F2RL1: variants seen among roughly 807,000 people sequenced by gnomAD.
The protein encoded by F2RL1 is F2R like trypsin receptor 1, also known as proteinase-activated receptor 2.
In F2RL1, 16 loss-of-function variants were observed where a neutral mutation model predicts 21.7. The ratio of observed to expected loss-of-function variants is 0.74; its 90% CI spans 0.50 to 1.12. F2RL1 has a LOEUF of 1.12. F2RL1 is among the 50% of genes most tolerant of loss of function. The pLI, the probability that F2RL1 is intolerant of heterozygous loss-of-function variation, is 0.00. For synonymous variants in F2RL1, 181 were observed against 186.7 expected (o/e 0.97, Z 0.25); for missense variants, 432 against 477.8 (o/e 0.90, Z 0.89).
chr5:76,822,966 TCACGCCTGTAATCCCAG>T, intron 1 of F2RL1, among the ~76,000 whole-genome samples: 1 of 152,192 alleles, frequency 6.6e-6, no homozygotes, highest in Non-Finnish European at 1.5e-5. Flanking sequence ...GCGTGGTGGC[TCACGCCTGTAATCCCAG>T]CACTTTGGAA....
chr5:76,819,272 A>G lies in F2RL1; in HGVS notation c.82+8A>G. The stretch of plus-strand genomic sequence containing the variant: ...GCAGTGGCACCATCCAAGGTGAGAA[A>G]CCTGGCCAAGGAGGGCTCTTATCTC... On this transcript the variant is annotated splice_region_variant and intron_variant, in intron 1 of 1. Coordinates refer to ENST00000296677, the MANE Select transcript of F2RL1 (RefSeq NM_005242.6). The G allele has an allele frequency of 6.3e-7, 1 of 1,585,906 alleles. No individual in the cohort carries two copies. The highest frequency in any genetic ancestry group is 2.3e-5 in the East Asian group (1 of 44,124).
intron 1 of F2RL1, among the ~76,000 whole-genome samples, chr5:76,829,858 G>A (rs1750319431): frequency 6.6e-6 from 1 of 152,174 alleles, no homozygotes; most frequent in South Asian, 2.1e-4. Flanking sequence ...AGGGGTTATG[G>A]TCAAATATTT....
At chr5:76,829,232 C>T (rs1561211439) in intron 1 of F2RL1, among the ~76,000 whole-genome samples, 1 of 150,542 alleles carries the variant, frequency 6.6e-6, no homozygotes, top group Non-Finnish European at 1.5e-5. Flanking sequence ...CACCTCCACA[C>T]CTTTTTTTTA....
At chr5:76,819,750 G>T (rs537972856) in intron 1 of F2RL1, among the ~76,000 whole-genome samples, 12 of 152,120 alleles carry the variant, frequency 7.9e-5, no homozygotes, top group Non-Finnish European at 1.8e-4. Context: ...GCAGGGCAGG[G>T]CGGAGTGGGT....
chr5:76,824,027 T>C (rs890667564), intron 1 of F2RL1, among the ~76,000 whole-genome samples: 1 of 151,384 alleles, frequency 6.6e-6, no homozygotes, highest in Non-Finnish European at 1.5e-5. Context: ...TTAGCCAGGA[T>C]GGTCTCGGTC....
chr5:76,826,517 CTTT>C (rs747365797), intron 1 of F2RL1, among the ~76,000 whole-genome samples: 1 of 145,008 alleles, frequency 6.9e-6, no homozygotes. Context: ...TGTATCAGTA[CTTT>C]TTTTTTTTTT....
chr5:76,833,266 C>T lies in F2RL1; in HGVS notation c.659C>T (p.Ala220Val). The T allele has an allele frequency of 1.9e-6, 3 of 1,613,356 alleles. No homozygotes were observed. In the African/African-American group the frequency reaches 4.0e-5, roughly 22 times the overall value. ...YVVKQTIFIPALNITTCHDVL... is the reference protein window; with the variant it reads ...YVVKQTIFIPVLNITTCHDVL... ...GTGAAGCAGACCATCTTCATTCCTG[C>T]CCTGAACATCACGACCTGTCATGAT... Residue 220 changes from alanine (A) to valine (V), a missense_variant, in exon 2 of 2, where the codon GCC becomes GTC. Coordinates refer to ENST00000296677, the MANE Select transcript of F2RL1 (RefSeq NM_005242.6).
At position 76,833,906 on chromosome 5, in the gene F2RL1, C is replaced by G; in HGVS notation, c.*105C>G. Reference sequence around the variant, plus strand: ...CTAATCAAAAAGGTCTCACCACATACCATGTGGATGCAGCACCTCTCAGGA... The same window carrying G: ...CTAATCAAAAAGGTCTCACCACATAGCATGTGGATGCAGCACCTCTCAGGA... On this transcript the variant is annotated 3_prime_UTR_variant, in exon 2 of 2. Transcript: ENST00000296677. 43 of 1,203,596 alleles carry G rather than the reference C, an allele frequency of 3.6e-5. No individual in the cohort carries two copies. The highest frequency in any genetic ancestry group is 4.8e-5 in the Non-Finnish European group (41 of 857,080). The allele number at this position is 1,203,596 out of a possible 1,614,324, so 74.6% of individuals were successfully genotyped here.
In F2RL1 at chr5:76,823,874, G is replaced by A. The variant is rs147312006; in HGVS notation, c.82+4610G>A. Among the ~76,000 whole-genome samples, 442 of 145,206 alleles carry A rather than the reference G, an allele frequency of 3.0e-3. 5 individuals are homozygous for A. The highest frequency in any genetic ancestry group is 0.011 in the African/African-American group (406 of 36,932). On this transcript the variant is annotated intron_variant, in intron 1 of 1. Coordinates refer to ENST00000296677, the MANE Select transcript of F2RL1 (RefSeq NM_005242.6). ...GTCGCCCAGGCTGGAGTGAAGGGGC[G>A]CTATCTCAGCTCGCTGTAAGCTCTG...
In F2RL1 at chr5:76,831,686, C is replaced by T. The variant is rs370670079; in HGVS notation, c.83-1004C>T. 5.9e-5 allele frequency among the ~76,000 whole-genome samples: 9 copies of T among 152,048 alleles called. No homozygotes were observed. The East Asian group carries it at 9.7e-4, about 16-fold the overall frequency. The stretch of plus-strand genomic sequence containing the variant: ...GTAGCTGGGATTACAGGCGCCTGCG[C>T]CTGGCTAATTTTTGTATTTTTAACA... On this transcript the variant is annotated intron_variant, in intron 1 of 1. Transcript: ENST00000296677.
intron 1 of F2RL1, among the ~76,000 whole-genome samples, chr5:76,827,431 G>A (rs1308398718): frequency 2.5e-4 from 38 of 151,068 alleles, no homozygotes; most frequent in African/African-American, 8.7e-4. Flanking sequence ...CCCGGGAGGC[G>A]GAGCTTGCGG....
chr5:76,834,009 C>T lies in F2RL1; in HGVS notation c.*208C>T. 1 of 536,576 alleles carries T rather than the reference C, an allele frequency of 1.9e-6. No homozygotes were observed. Among genetic ancestry groups the T allele is most frequent in the Non-Finnish European group, 3.2e-6 (1 of 308,618 alleles). 33.2% of individuals were successfully genotyped at this position (536,576 alleles called of 1,614,324 possible). ...CAGTGTCTGTTTCAGAATCTCTCTA[C>T]TCAGATGACCCCAGAAACTGAACCA... On this transcript the variant is annotated 3_prime_UTR_variant, in exon 2 of 2. Transcript: ENST00000296677.
rs1750411296 is a variant in F2RL1, at chr5:76,834,006, C to G, written c.*205C>G. 3.6e-6 allele frequency: 2 copies of G among 550,732 alleles called. No individual in the cohort carries two copies. Among genetic ancestry groups the G allele is most frequent in the African/African-American group, 1.9e-5 (1 of 53,120 alleles). 34.1% of individuals were successfully genotyped at this position (550,732 alleles called of 1,614,324 possible). On this transcript the variant is annotated 3_prime_UTR_variant, in exon 2 of 2. Transcript: ENST00000296677. The stretch of plus-strand genomic sequence containing the variant: ...CATCAGTGTCTGTTTCAGAATCTCT[C>G]TACTCAGATGACCCCAGAAACTGAA...
chr5:76,823,608 A>AC (rs1750183356), intron 1 of F2RL1, among the ~76,000 whole-genome samples: 1 of 151,470 alleles, frequency 6.6e-6, no homozygotes, highest in Non-Finnish European at 1.5e-5. Flanking sequence ...TGAATTCCTG[A>AC]CCTCAAGTGA....
At chr5:76,821,863 G>A (rs1394311510) in intron 1 of F2RL1, among the ~76,000 whole-genome samples, 1 of 151,958 alleles carries the variant, frequency 6.6e-6, no homozygotes, top group Non-Finnish European at 1.5e-5. Context: ...TTACAGGCAT[G>A]AGCTACTGCG....
Position 76,832,813 on chromosome 5 carries a change from T to G in F2RL1, c.206T>G (p.Leu69Arg), listed in dbSNP as rs1471895947. 1 of 1,614,142 alleles carries G rather than the reference T, an allele frequency of 6.2e-7. No individual in the cohort carries two copies. The highest frequency in any genetic ancestry group is 8.5e-7 in the Non-Finnish European group (1 of 1,180,050). Residue 69 changes from leucine (L) to arginine (R), a missense_variant, in exon 2 of 2, where the codon CTC becomes CGC. By Grantham distance (102) the Leu-to-Arg change is moderately radical. Transcript: ENST00000296677. The part of the protein sequence containing the change: ...FSVDEFSASV[L>R]TGKLTTVFLP... The stretch of plus-strand genomic sequence containing the variant: ...GTGGATGAGTTTTCTGCATCTGTCC[T>G]CACTGGAAAACTGACCACTGTCTTC...
rs760708378 is a variant in F2RL1 at position 76,832,886 on chromosome 5, C to T, written c.279C>T (p.Asn93=). The change falls in exon 2 of 2, where the codon AAC becomes AAT. Residue 93 remains asparagine, a synonymous_variant. Coordinates refer to ENST00000296677, the MANE Select transcript of F2RL1 (RefSeq NM_005242.6). The stretch of plus-strand genomic sequence containing the variant: ...TGTTTGTGGTGGGTTTGCCAAGTAA[C>T]GGCATGGCCCTGTGGGTCTTTCTTT... ...TIVFVVGLPS[N]GMALWVFLFR... is the part of the protein sequence containing the mutation. The T allele has an allele frequency of 2.4e-5, 38 of 1,614,064 alleles. No homozygotes were observed. The highest frequency in any genetic ancestry group is 8.8e-5 in the South Asian group (8 of 91,076).
chr5:76,826,867 T>C (rs1189705284), intron 1 of F2RL1, among the ~76,000 whole-genome samples: 1 of 151,220 alleles, frequency 6.6e-6, no homozygotes, highest in Non-Finnish European at 1.5e-5. Context: ...TTGTTTCCAC[T>C]TTTTTTTCCT....
rs569965073 is a variant in F2RL1, at chr5:76,825,866, A to T, written c.82+6602A>T. Among the ~76,000 whole-genome samples, 27 of 148,378 alleles carry T rather than the reference A, an allele frequency of 1.8e-4. No homozygotes were observed. In the South Asian group the frequency reaches 2.7e-3, roughly 15 times the overall value. ...ATATTCTAAGAAAAAGTTCCTTTTT[A>T]AAAAAAAATTGTTATATTGCCATTC... On this transcript the variant is annotated intron_variant, in intron 1 of 1. Coordinates refer to ENST00000296677, the MANE Select transcript of F2RL1 (RefSeq NM_005242.6).
Sources: gnomAD v4.1 joint callset for allele counts (sites outside exome capture counted in the v4.1 genomes callset) on GRCh38, gnomAD v4.1.1 for gene constraint, MANE v1.5 for transcripts, NCBI Gene and HGNC (gene_info 2026-07-23, HGNC 2026-07-21) for gene names.